The following STMN2 variants were observed in gnomAD, a reference collection of about 807,000 sequenced individuals.
STMN2 encodes the protein stathmin 2, also known as stathmin-2.
STMN2 carries 2 observed loss-of-function variants against 24.1 expected under a neutral mutation model. The observed-to-expected ratio is 0.08, with a 90% CI of 0.03 to 0.26. The LOEUF (loss-of-function observed/expected upper bound fraction) is 0.26, where lower values mean the gene tolerates loss of function less well. STMN2 is among the 10% of genes least tolerant of loss of function. The pLI is 1.00. For synonymous variants in STMN2, 83 were observed against 77.5 expected, an observed-to-expected ratio of 1.07 and a Z score of -0.37; for missense variants, 114 against 213.6, an observed-to-expected ratio of 0.53 and a Z score of 2.91.
In STMN2 at chr8:79,665,767, C is replaced by T. The variant is rs930522811; in HGVS notation, c.*893C>T. 8 of 153,542 alleles carry T rather than the reference C, an allele frequency of 5.2e-5. No individual in the cohort carries two copies. Among genetic ancestry groups the T allele is most frequent in the African/African-American group, 1.9e-4 (8 of 41,502 alleles). 9.5% of individuals were successfully genotyped at this position (153,542 alleles called of 1,614,324 possible). A position where few individuals can be genotyped will look rare whatever the true frequency, so the allele number is the denominator to read the frequency against. ...TAAGCTCTTACCTATAGTACAAGTA[C>T]ATGATGCTACTGAATATTTTTCCAC... On this transcript the variant is annotated 3_prime_UTR_variant, in exon 5 of 5. Coordinates refer to ENST00000220876, the MANE Select transcript of STMN2 (RefSeq NM_007029.4).
At chr8:79,646,823 GATAA>G (rs1410537758) in intron 3 of STMN2, among the ~76,000 whole-genome samples, 31 of 152,144 alleles carry the variant, frequency 2.0e-4, no homozygotes, top group African/African-American at 7.2e-4. Context: ...AATAGTGTTA[GATAA>G]ATAGAGAAAA....
At chr8:79,636,255 A>G (rs1358958010) in intron 1 of STMN2, among the ~76,000 whole-genome samples, 1 of 152,166 alleles carries the variant, frequency 6.6e-6, no homozygotes, top group East Asian at 1.9e-4. Flanking sequence ...TGGACAGATA[A>G]GAAAATGCAC....
At chr8:79,632,374 G>GA (rs1336042624) in intron 1 of STMN2, among the ~76,000 whole-genome samples, 1 of 151,966 alleles carries the variant, frequency 6.6e-6, no homozygotes, top group African/African-American at 2.4e-5. Context: ...ATTTCAAAAG[G>GA]AAAAAAATGA....
chr8:79,611,920 CG>C (rs1002460485), intron 1 of STMN2: 3 of 143,770 alleles, frequency 2.1e-5, no homozygotes, highest in African/African-American at 8.0e-5. Flanking sequence ...GGCGGGGAAG[CG>C]CGCGGCAGGG....
At chr8:79,619,401 A>C (rs1338367325) in intron 1 of STMN2, among the ~76,000 whole-genome samples, 2 of 152,200 alleles carry the variant, frequency 1.3e-5, no homozygotes, top group African/African-American at 4.8e-5. Context: ...GCAGCCATAA[A>C]GTTTAACTTC....
chr8:79,611,625 A>G (rs1809223057), intron 1 of STMN2: 2 of 243,066 alleles, frequency 8.2e-6, no homozygotes, highest in Non-Finnish European at 6.9e-6. Flanking sequence ...GGAAAGGGGT[A>G]AAGGGAAGGT....
chr8:79,649,908 A>G (rs535100172), intron 3 of STMN2, among the ~76,000 whole-genome samples: 11 of 152,298 alleles, frequency 7.2e-5, no homozygotes, highest in Middle Eastern at 3.4e-3. Flanking sequence ...CTAAATGTAC[A>G]ATAAGTCTCC....
intron 2 of STMN2, among the ~76,000 whole-genome samples, chr8:79,641,058 A>C (rs929246435): frequency 1.3e-5 from 2 of 152,236 alleles, no homozygotes; most frequent in Non-Finnish European, 2.9e-5. Context: ...ATATTTGTTC[A>C]AAAGGAAAAT....
chr8:79,640,832 A>ATTGGT (rs1810079875), intron 2 of STMN2, among the ~76,000 whole-genome samples: 1 of 152,210 alleles, frequency 6.6e-6, no homozygotes, highest in Admixed American at 6.5e-5. Flanking sequence ...AGGGAGTTAC[A>ATTGGT]TTGGTTCTAA....
At chr8:79,641,623 T>TCACTC in intron 3 of STMN2, 73 bp downstream of exon 3, 1 of 521,010 alleles carries the variant, frequency 1.9e-6, no homozygotes, top group Non-Finnish European at 3.0e-6. Flanking sequence ...CGGGCACACA[T>TCACTC]GCACGCACAC....
At chr8:79,613,365 G>A in intron 1 of STMN2, 2 of 984,946 alleles carry the variant, frequency 2.0e-6, no homozygotes, top group Non-Finnish European at 2.4e-6. Context: ...GCCCCGCGCC[G>A]CGCCCTGCGC....
chr8:79,618,970 A>G (rs1173453059), intron 1 of STMN2, among the ~76,000 whole-genome samples: 2 of 152,182 alleles, frequency 1.3e-5, no homozygotes, highest in African/African-American at 4.8e-5. Flanking sequence ...GGGTTTCAAA[A>G]TTTATTTTAT....
chr8:79,632,448 G>T (rs1224368147), intron 1 of STMN2, among the ~76,000 whole-genome samples: 3 of 152,170 alleles, frequency 2.0e-5, no homozygotes, highest in Admixed American at 2.0e-4. Context: ...TAATATGATT[G>T]CAGGGAAAAC....
intron 3 of STMN2, among the ~76,000 whole-genome samples, chr8:79,643,586 A>T (rs1225903083): frequency 6.6e-6 from 1 of 152,130 alleles, no homozygotes; most frequent in Non-Finnish European, 1.5e-5. Flanking sequence ...TGGTGTTTCT[A>T]GGTACTACAC....
At chr8:79,612,605 G>A (rs1222784739) in intron 1 of STMN2, among the ~76,000 whole-genome samples, 2 of 152,184 alleles carry the variant, frequency 1.3e-5, no homozygotes, top group Admixed American at 6.5e-5. Flanking sequence ...TCCGCAATTG[G>A]TCTTGTGCCT....
intron 1 of STMN2, among the ~76,000 whole-genome samples, chr8:79,624,040 C>G (rs909617043): frequency 6.6e-6 from 1 of 152,066 alleles, no homozygotes; most frequent in Non-Finnish European, 1.5e-5. Context: ...AACTAAGCAG[C>G]TTTGAAAGAA....
intron 1 of STMN2, among the ~76,000 whole-genome samples, chr8:79,614,053 A>C (rs552871280): frequency 6.6e-6 from 1 of 152,268 alleles, no homozygotes; most frequent in East Asian, 1.9e-4. Context: ...TGTTCTTCCA[A>C]CTGCTGATTC....
intron 3 of STMN2, among the ~76,000 whole-genome samples, chr8:79,645,831 T>C (rs1026627959): frequency 2.0e-5 from 3 of 152,182 alleles, no homozygotes; most frequent in African/African-American, 2.4e-5. Flanking sequence ...AGGTTTTCCT[T>C]TGTGGCACCT....
intron 1 of STMN2, among the ~76,000 whole-genome samples, chr8:79,624,846 A>ATT (rs1168965734): frequency 6.6e-6 from 1 of 152,210 alleles, no homozygotes; most frequent in Non-Finnish European, 1.5e-5. Context: ...AACTTTCACT[A>ATT]GTTTACTATC....
Sources: allele counts gnomAD v4.1 joint callset (sites outside exome capture counted in the v4.1 genomes callset), GRCh38; gene constraint gnomAD v4.1.1; transcripts MANE v1.5; gene names NCBI Gene and HGNC (gene_info 2026-07-23, HGNC 2026-07-21).